Variants in GMDS observed in about 807,000 individuals in gnomAD.
GMDS encodes GDP-mannose 4,6 dehydratase.
In GMDS, 20 loss-of-function variants were observed where a neutral mutation model predicts 49.9. That is an observed-to-expected ratio of 0.40 (90% CI 0.28 to 0.58). The LOEUF (loss-of-function observed/expected upper bound fraction) is 0.58, where lower values mean the gene tolerates loss of function less well. Among genes scored for constraint, GMDS ranks in the 20% least tolerant of loss-of-function variants. GMDS has a pLI of 0.42. For synonymous variants in GMDS, 177 were observed against 178.6 expected, an observed-to-expected ratio of 0.99 and a Z score of 0.07; for missense variants, 362 against 481.4, an observed-to-expected ratio of 0.75 and a Z score of 2.32.
chr6:1,886,626 A>AT (rs1226414039), intron 7 of GMDS, among the ~76,000 whole-genome samples: 4 of 152,148 alleles, frequency 2.6e-5, no homozygotes, highest in Non-Finnish European at 2.9e-5. Context: ...AATTACACTG[A>AT]TTTTTTTAAA....
At chr6:1,643,518 G>T (rs901534981) in intron 9 of GMDS, among the ~76,000 whole-genome samples, 1 of 152,124 alleles carries the variant, frequency 6.6e-6, no homozygotes, top group Non-Finnish European at 1.5e-5. Flanking sequence ...GTAGGATGTG[G>T]TTACCAGGGC....
intron 1 of GMDS, among the ~76,000 whole-genome samples, chr6:2,235,212 G>A (rs1242803670): frequency 6.6e-6 from 1 of 152,208 alleles, no homozygotes; most frequent in African/African-American, 2.4e-5. Context: ...TCCCCTTAGG[G>A]GTGATGGGGA....
At chr6:2,226,881 G>A (rs539500209) in intron 1 of GMDS, among the ~76,000 whole-genome samples, 8 of 152,198 alleles carry the variant, frequency 5.3e-5, no homozygotes, top group African/African-American at 1.9e-4. Flanking sequence ...GGAGTCCCTC[G>A]TACTCAATCA....
intron 4 of GMDS, among the ~76,000 whole-genome samples, chr6:2,069,103 A>C (rs1228069531): frequency 1.3e-5 from 2 of 152,228 alleles, no homozygotes; most frequent in African/African-American, 4.8e-5. Flanking sequence ...AGCCCTCAGG[A>C]ATAACGTCGC....
chr6:1,676,186 CTTCAAAGAGAAT>C (rs2113295066), intron 9 of GMDS, among the ~76,000 whole-genome samples: 1 of 152,266 alleles, frequency 6.6e-6, no homozygotes, highest in East Asian at 1.9e-4. Context: ...TTCACAATTG[CTTCAAAGAGAAT>C]AAAATACTTA....
intron 7 of GMDS, among the ~76,000 whole-genome samples, chr6:1,751,071 G>A (rs1343020689): frequency 6.6e-6 from 1 of 152,214 alleles, no homozygotes; most frequent in Non-Finnish European, 1.5e-5. Context: ...AGCAACCCCA[G>A]TCAGGGGCTT....
At chr6:1,891,336 C>G (rs1759858742) in intron 7 of GMDS, among the ~76,000 whole-genome samples, 1 of 152,190 alleles carries the variant, frequency 6.6e-6, no homozygotes, top group Admixed American at 6.5e-5. Context: ...ACCTACTATA[C>G]AGCTAGTGGC....
At chr6:1,982,845 T>C (rs937533430) in intron 4 of GMDS, among the ~76,000 whole-genome samples, 49 of 152,122 alleles carry the variant, frequency 3.2e-4, no homozygotes, top group Admixed American at 2.8e-3. Flanking sequence ...TAAACTACCA[T>C]TGACATTCTT....
At chr6:2,105,779 G>T (rs1375187662) in intron 4 of GMDS, among the ~76,000 whole-genome samples, 1 of 152,132 alleles carries the variant, frequency 6.6e-6, no homozygotes, top group Non-Finnish European at 1.5e-5. Flanking sequence ...TTTTTACCCT[G>T]ATATACCAAA....
chr6:1,652,419 T>TATA (rs1763691233), intron 9 of GMDS, among the ~76,000 whole-genome samples: 1 of 23,938 alleles, frequency 4.2e-5, no homozygotes, highest in African/African-American at 1.7e-4. Context: ...TTATATATAA[T>TATA]ATATATATAA....
At chr6:1,669,153 C>A (rs1464723630) in intron 9 of GMDS, among the ~76,000 whole-genome samples, 5 of 152,222 alleles carry the variant, frequency 3.3e-5, no homozygotes, top group African/African-American at 1.2e-4. Flanking sequence ...AAGGAAGAGA[C>A]AGAAGACATT....
At chr6:2,245,271 C>G in intron 1 of GMDS, 50 bp downstream of exon 1, 1 of 1,225,712 alleles carries the variant, frequency 8.2e-7, no homozygotes. Context: ...GTAGGGAGAG[C>G]ACGCGTGCCC....
chr6:2,079,045 T>TTTTTTTTTTTTTTTTTTA (rs1772515483), intron 4 of GMDS, among the ~76,000 whole-genome samples: 5 of 133,850 alleles, frequency 3.7e-5, no homozygotes, highest in Non-Finnish European at 6.2e-5. Flanking sequence ...TTTTTTTTTT[T>TTTTTTTTTTTTTTTTTTA]ACTGTGTTTG....
intron 1 of GMDS, among the ~76,000 whole-genome samples, chr6:2,239,852 AT>A (rs1048784064): frequency 6.6e-6 from 1 of 151,952 alleles, no homozygotes; most frequent in Non-Finnish European, 1.5e-5. Context: ...TGCCCAGCTA[AT>A]TTTTTTGTAT....
At chr6:2,095,504 T>C (rs1468732872) in intron 4 of GMDS, among the ~76,000 whole-genome samples, 1 of 152,188 alleles carries the variant, frequency 6.6e-6, no homozygotes, top group African/African-American at 2.4e-5. Flanking sequence ...TATCAATAAG[T>C]ATAAAATATT....
intron 9 of GMDS, among the ~76,000 whole-genome samples, chr6:1,687,787 C>T (rs1394787505): frequency 6.6e-6 from 1 of 151,940 alleles, no homozygotes; most frequent in Non-Finnish European, 1.5e-5. Flanking sequence ...GAGCAGGTGT[C>T]AGTGCCCCAA....
At chr6:1,715,497 C>T (rs529830524) in intron 9 of GMDS, among the ~76,000 whole-genome samples, 1 of 152,168 alleles carries the variant, frequency 6.6e-6, no homozygotes, top group Non-Finnish European at 1.5e-5. Context: ...GGAAATGACC[C>T]ATCACAATGC....
At chr6:1,893,587 C>T (rs1759999777) in intron 7 of GMDS, among the ~76,000 whole-genome samples, 1 of 152,164 alleles carries the variant, frequency 6.6e-6, no homozygotes, top group Non-Finnish European at 1.5e-5. Flanking sequence ...ATCCTGTTTT[C>T]CAAATTGGCC....
intron 4 of GMDS, among the ~76,000 whole-genome samples, chr6:1,964,102 C>T (rs1764124699): frequency 6.6e-6 from 1 of 152,218 alleles, no homozygotes; most frequent in Non-Finnish European, 1.5e-5. Context: ...CAGACACAAA[C>T]AATTGCCTAC....
Sources: gnomAD v4.1 joint callset for allele counts (sites outside exome capture counted in the v4.1 genomes callset) on GRCh38, gnomAD v4.1.1 for gene constraint, MANE v1.5 for transcripts, NCBI Gene and HGNC (gene_info 2026-07-23, HGNC 2026-07-21) for gene names.